The following HEATR1 variants were observed in gnomAD, a reference collection of about 807,000 sequenced individuals.
HEATR1 encodes HEAT repeat-containing protein 1.
In HEATR1, 77 loss-of-function variants were observed where a neutral mutation model predicts 248.2. The observed-to-expected ratio is 0.31, with a 90% CI of 0.26 to 0.37. HEATR1 has a LOEUF of 0.37. Among genes scored for constraint, HEATR1 ranks in the 10% least tolerant of loss-of-function variants. The probability of loss-of-function intolerance (pLI) is 1.00; values close to 1 mark genes in which losing one functional copy is unlikely to be tolerated. For synonymous variants in HEATR1, 897 were observed against 923.1 expected (o/e 0.97, Z 0.51); for missense variants, 2,420 against 2,504.9 (o/e 0.97, Z 0.72).
Position 236,584,987 on chromosome 1 carries a change from T to C in HEATR1, c.2241+38A>G, listed in dbSNP as rs752112799. 2.6e-6 allele frequency: 4 copies of C among 1,563,834 alleles called. 1 individual carries two copies. In the South Asian group the frequency reaches 4.7e-5, roughly 18 times the overall value. ...ACTAATAGGCCAGGCTGTTGTTTTA[T>C]TCAACATCCCACTTTCTGGAGATTC... On this transcript the variant is annotated intron_variant, in intron 17 of 44. Transcript: ENST00000366582.
At chr1:236,597,717 T>TA (rs1238737102) in intron 5 of HEATR1, among the ~76,000 whole-genome samples, 161 bp downstream of exon 5, 1 of 149,778 alleles carries the variant, frequency 6.7e-6, no homozygotes, top group African/African-American at 2.4e-5. Flanking sequence ...AAAAAAAAGA[T>TA]ACGGACTCTC....
chr1:236,572,984 C>T, intron 24 of HEATR1, among the ~76,000 whole-genome samples, 156 bp from the exon 25 acceptor site: 1 of 152,260 alleles, frequency 6.6e-6, no homozygotes, highest in Non-Finnish European at 1.5e-5. Flanking sequence ...ATGCTACTAC[C>T]TTGTTACAGA....
At chr1:236,566,256 T>A (rs531106629) in intron 30 of HEATR1, among the ~76,000 whole-genome samples, 4 of 152,190 alleles carry the variant, frequency 2.6e-5, no homozygotes, top group Non-Finnish European at 5.9e-5. Context: ...CAATCACCTG[T>A]GTTTGTGTCT....
At position 236,558,359 on chromosome 1, in the gene HEATR1, G is replaced by C; in HGVS notation, c.5082C>G (p.Asn1694Lys). Residue 1694 changes from asparagine to lysine, a missense_variant, in exon 36 of 45, where the codon AAC becomes AAG. Coordinates refer to ENST00000366582, the MANE Select transcript of HEATR1 (RefSeq NM_018072.6). ...ENPDPFVPVL[N>K]TAVKLIAPER... The stretch of plus-strand genomic sequence containing the variant: ...CTGGAGCAATCAGTTTCACAGCAGT[G>C]TTCAGCACTGGGACAAAAGGATCTG... 1 of 1,614,144 alleles carries C rather than the reference G, an allele frequency of 6.2e-7. No individual in the cohort carries two copies.
chr1:236,595,658 T>C lies in HEATR1; in HGVS notation c.972A>G (p.Leu324=). 6.2e-7 allele frequency: 1 copy of C among 1,611,896 alleles called. No homozygotes were observed. The highest frequency in any genetic ancestry group is 8.5e-7 in the Non-Finnish European group (1 of 1,178,558). The change falls in exon 8 of 45, where the codon TTA becomes TTG. Residue 324 remains leucine, a synonymous_variant. Coordinates refer to ENST00000366582, the MANE Select transcript of HEATR1 (RefSeq NM_018072.6). ...TTGTAATAAGATCAGGAACATTACA[T>C]AAGTGAGGGAATGGCCTTTGAAGAA... ...ESLGKKPFPH[L]CNVPDLITIL...
chr1:236,559,956 T>C (rs1428896443), intron 33 of HEATR1, 119 bp from the exon 34 acceptor site: 28 of 1,092,218 alleles, frequency 2.6e-5, no homozygotes, highest in Non-Finnish European at 3.3e-5. Flanking sequence ...CTGTACTAAA[T>C]TATTTCAAAA....
intron 3 of HEATR1, 94 bp from the exon 4 acceptor site, chr1:236,599,718 A>C (rs1355357486): frequency 8.5e-7 from 1 of 1,180,516 alleles, no homozygotes; most frequent in East Asian, 2.4e-5. Flanking sequence ...TAATAAGCTA[A>C]AACAACCTAG....
At chr1:236,590,278 A>C (rs539155380) in intron 12 of HEATR1, among the ~76,000 whole-genome samples, 24 of 152,226 alleles carry the variant, frequency 1.6e-4, no homozygotes, top group Admixed American at 1.4e-3. Flanking sequence ...CCCAGGCTGG[A>C]GAGCAGTGGC....
At chr1:236,581,097 C>T (rs1208237067) in intron 20 of HEATR1, 125 bp downstream of exon 20, 8 of 715,444 alleles carry the variant, frequency 1.1e-5, no homozygotes, top group East Asian at 2.8e-5. Flanking sequence ...GGATTACAGG[C>T]GTGAGATACC....
At chr1:236,570,246 G>A (rs960375528) in intron 28 of HEATR1, among the ~76,000 whole-genome samples, 7 of 152,196 alleles carry the variant, frequency 4.6e-5, no homozygotes, top group African/African-American at 4.8e-5. Context: ...CTGAGATCGC[G>A]CCACTGCACT....
At position 236,599,602 on chromosome 1, in the gene HEATR1, G is replaced by T; in HGVS notation, c.382C>A (p.Gln128Lys). The change falls in exon 4 of 45, where the codon CAA becomes AAA. Residue 128 changes from glutamine to lysine, a missense_variant. Coordinates refer to ENST00000366582, the MANE Select transcript of HEATR1 (RefSeq NM_018072.6). ...AGAACACAAGCAATGAGGCTATCTT[G>T]ATTATAGAGATGTATATGGAACCTG... ...IHRFHIHLYN[Q>K]DSLIACVLPY... is the part of the protein sequence containing the mutation. 1 of 1,612,150 alleles carries T rather than the reference G, an allele frequency of 6.2e-7. No individual in the cohort carries two copies. The highest frequency in any genetic ancestry group is 1.1e-5 in the South Asian group (1 of 90,718).
chr1:236,594,822 G>A (rs1266887334), intron 8 of HEATR1, among the ~76,000 whole-genome samples: 1 of 151,852 alleles, frequency 6.6e-6, no homozygotes, highest in Non-Finnish European at 1.5e-5. Flanking sequence ...TTTTGAGATA[G>A]GGTCTCACTC....
Position 236,580,824 on chromosome 1 carries a change from A to AT in HEATR1, c.2755+397dup, listed in dbSNP as rs71178327. On this transcript the variant is annotated intron_variant, in intron 20 of 44. Coordinates refer to ENST00000366582, the MANE Select transcript of HEATR1 (RefSeq NM_018072.6). The stretch of plus-strand genomic sequence containing the variant: ...AAGCCACCTCGCCTGGCCTTTATCG[A>AT]TTTTTTTTTTTTTTGAGATGGAGTC... 1.1e-3 allele frequency among the ~76,000 whole-genome samples: 139 copies of AT among 126,618 alleles called. 7 individuals carry two copies. Among genetic ancestry groups the AT allele is most frequent in the Middle Eastern group, 9.2e-3 (2 of 218 alleles). 83.1% of individuals were successfully genotyped at this position (126,618 alleles called of 152,430 possible).
In HEATR1 at chr1:236,574,569, T is replaced by A. The variant is rs1663515727; in HGVS notation, c.3327+92A>T. 10 of 1,413,446 alleles carry A rather than the reference T, an allele frequency of 7.1e-6. No individual in the cohort carries two copies. In the South Asian group the frequency reaches 1.1e-4, roughly 16 times the overall value. 87.6% of individuals were successfully genotyped at this position (1,413,446 alleles called of 1,614,324 possible). A position where few individuals can be genotyped will look rare whatever the true frequency, so the allele number is the denominator to read the frequency against. On this transcript the variant is annotated intron_variant, in intron 23 of 44. Transcript: ENST00000366582. ...GTAACTATCTTCTCCAAATAAAATATTAATCTTTTTTTTTTTAACGCTGTT... is the reference window on the plus strand; with the variant it reads ...GTAACTATCTTCTCCAAATAAAATAATAATCTTTTTTTTTTTAACGCTGTT...
At chr1:236,596,222 TGA>T (rs1395934410) in intron 6 of HEATR1, among the ~76,000 whole-genome samples, 178 bp from the exon 7 acceptor site, 1 of 152,222 alleles carries the variant, frequency 6.6e-6, no homozygotes, top group Non-Finnish European at 1.5e-5. Context: ...GATACAGAGA[TGA>T]GACAAGTCTG....
chr1:236,550,920 T>G lies in HEATR1; in HGVS notation c.6417A>C (p.Pro2139=). The G allele has an allele frequency of 1.2e-6, 2 of 1,604,878 alleles. No individual in the cohort carries two copies. The highest frequency in any genetic ancestry group is 8.5e-7 in the Non-Finnish European group (1 of 1,177,110). The change falls in exon 45 of 45, where the codon CCA becomes CCC. Residue 2139 remains proline, a synonymous_variant. Coordinates refer to ENST00000366582, the MANE Select transcript of HEATR1 (RefSeq NM_018072.6). Reference sequence around the variant, plus strand: ...GAAAGTCTTAGAAATAGCTCTGGAGTGGCTCTCCCAGGACAGTTTCCAGTT... The same window carrying G: ...GAAAGTCTTAGAAATAGCTCTGGAGGGGCTCTCCCAGGACAGTTTCCAGTT... ...IQQLETVLGE[P]LQSYF is the part of the protein sequence containing the mutation.
At chr1:236,553,453 C>T (rs1662843591) in intron 43 of HEATR1, 128 bp downstream of exon 43, 1 of 984,084 alleles carries the variant, frequency 1.0e-6, no homozygotes, top group Non-Finnish European at 1.5e-6. Context: ...ACCTCTAGTA[C>T]TGGATGACAA....
intron 36 of HEATR1, 90 bp from the exon 37 acceptor site, chr1:236,557,435 A>C: frequency 1.5e-6 from 2 of 1,359,658 alleles, no homozygotes; most frequent in Non-Finnish European, 1.0e-6. Context: ...AAACCAGCAA[A>C]CTGTGCCTAT....
chr1:236,580,845 G>A (rs1272602633), intron 20 of HEATR1, among the ~76,000 whole-genome samples: 1 of 74,710 alleles, frequency 1.3e-5, no homozygotes, highest in African/African-American at 7.1e-5. Flanking sequence ...TTTTGAGATG[G>A]AGTCTCGCTG....
Sources: gnomAD v4.1 joint callset for allele counts (sites outside exome capture counted in the v4.1 genomes callset) on GRCh38, gnomAD v4.1.1 for gene constraint, MANE v1.5 for transcripts, NCBI Gene and HGNC (gene_info 2026-07-23, HGNC 2026-07-21) for gene names.